The following ARHGAP42 variants were observed in gnomAD, a reference collection of about 807,000 sequenced individuals.
The protein encoded by ARHGAP42 is rho GTPase-activating protein 42.
A neutral mutation model predicts 125.0 loss-of-function variants in ARHGAP42; 63 were observed. The observed-to-expected ratio is 0.50, with a 90% CI of 0.41 to 0.62. The LOEUF (loss-of-function observed/expected upper bound fraction) is 0.62, where lower values mean the gene tolerates loss of function less well. Ranked by LOEUF, ARHGAP42 falls within the 20% of genes least tolerant of loss-of-function variation. ARHGAP42 has a pLI of 0.00. For missense variants in ARHGAP42, 766 were observed against 1,024.2 expected (o/e 0.75, Z 3.44); for synonymous variants, 339 against 351.0 (o/e 0.97, Z 0.38).
intron 23 of ARHGAP42, among the ~76,000 whole-genome samples, chr11:100,987,825 A>ATAAG (rs1391701511): frequency 6.6e-6 from 1 of 151,220 alleles, no homozygotes; most frequent in Non-Finnish European, 1.5e-5. Flanking sequence ...AAATAAATAA[A>ATAAG]TAAATAAATA....
intron 1 of ARHGAP42, among the ~76,000 whole-genome samples, chr11:100,717,488 T>G (rs1468528913): frequency 2.0e-5 from 3 of 151,728 alleles, no homozygotes; most frequent in African/African-American, 7.3e-5. Context: ...ATACAAAAAA[T>G]TAGCTGGACG....
intron 4 of ARHGAP42, among the ~76,000 whole-genome samples, chr11:100,913,210 C>G (rs1338876903): frequency 1.3e-5 from 2 of 152,042 alleles, no homozygotes; most frequent in African/African-American, 2.4e-5. Flanking sequence ...TGTGACTTGC[C>G]CTGTTTGTTT....
At chr11:100,803,464 A>G (rs1863913898) in intron 3 of ARHGAP42, among the ~76,000 whole-genome samples, 1 of 152,162 alleles carries the variant, frequency 6.6e-6, no homozygotes, top group African/African-American at 2.4e-5. Context: ...CCACAGTTTG[A>G]TCAGATGTGG....
chr11:100,687,552 A>C lies in ARHGAP42; in HGVS notation c.-127A>C. 1.6e-6 allele frequency: 1 copy of C among 639,328 alleles called. No homozygotes were observed. The highest frequency in any genetic ancestry group is 2.1e-6 in the Non-Finnish European group (1 of 478,368). 39.6% of individuals were successfully genotyped at this position (639,328 alleles called of 1,614,324 possible). ...CGGGGCCCGTTTCCTCCGCGCAATC[A>C]GTCCCCTCGCGTCCCGGCGCCTTCC... On this transcript the variant is annotated 5_prime_UTR_variant, in exon 1 of 24. Transcript: ENST00000298815.
rs563664499 is a variant in ARHGAP42, at chr11:100,989,505, G to A, written c.*704G>A. 8.4e-5 allele frequency: 15 copies of A among 179,618 alleles called. No individual in the cohort carries two copies. The highest frequency in any genetic ancestry group is 2.1e-3 in the Middle Eastern group (1 of 478). 11.1% of individuals were successfully genotyped at this position (179,618 alleles called of 1,614,324 possible). ...AGGCCTGATAGCAAATATTTTTGTGGTGGGTTGAATTTGGCTTATGGGTTA... is the reference window on the plus strand; with the variant it reads ...AGGCCTGATAGCAAATATTTTTGTGATGGGTTGAATTTGGCTTATGGGTTA... On this transcript the variant is annotated 3_prime_UTR_variant, in exon 24 of 24. Transcript: ENST00000298815.
intron 1 of ARHGAP42, among the ~76,000 whole-genome samples, chr11:100,751,773 C>CTTT (rs757372755): frequency 0.032 from 2,693 of 84,388 alleles, 363 homozygotes; most frequent in Non-Finnish European, 0.043. Context: ...AGACAGGCAC[C>CTTT]TTTTTTTTTT....
intron 3 of ARHGAP42, among the ~76,000 whole-genome samples, chr11:100,823,211 A>G (rs974243232): frequency 6.6e-6 from 1 of 152,184 alleles, no homozygotes; most frequent in Non-Finnish European, 1.5e-5. Context: ...ATCTTTTTGA[A>G]GAAGAAAGAA....
At chr11:100,888,196 C>G (rs1168177375) in intron 4 of ARHGAP42, among the ~76,000 whole-genome samples, 1 of 151,642 alleles carries the variant, frequency 6.6e-6, no homozygotes. Flanking sequence ...TCAATGACAG[C>G]TTAATGTCTT....
chr11:100,967,525 G>C (rs527285536), intron 17 of ARHGAP42, among the ~76,000 whole-genome samples: 1 of 152,018 alleles, frequency 6.6e-6, no homozygotes, highest in African/African-American at 2.4e-5. Context: ...TTTGCCAATC[G>C]ATGTTTTTAA....
rs1167636263 is a variant in ARHGAP42, at chr11:100,989,363, T to G, written c.*562T>G. 1 of 372,552 alleles carries G rather than the reference T, an allele frequency of 2.7e-6. No homozygotes were observed. Among genetic ancestry groups the G allele is most frequent in the East Asian group, 3.8e-5 (1 of 26,218 alleles). The allele number at this position is 372,552 out of a possible 1,614,324, so 23.1% of individuals were successfully genotyped here. On this transcript the variant is annotated 3_prime_UTR_variant, in exon 24 of 24. Coordinates refer to ENST00000298815, the MANE Select transcript of ARHGAP42 (RefSeq NM_152432.4). ...TTTGTTTTCCAAGTAGATGATAATATTCAAAAGCAATAATGTATATGATAT... is the reference window on the plus strand; with the variant it reads ...TTTGTTTTCCAAGTAGATGATAATAGTCAAAAGCAATAATGTATATGATAT...
Position 100,886,095 on chromosome 11 carries a change from C to G in ARHGAP42, c.384+26470C>G, listed in dbSNP as rs115637939. ...CATTTTTTATTTTAAGTCTTTAGGA[C>G]TTTATGATTGGATAACCTTGGGCAA... On this transcript the variant is annotated intron_variant, in intron 4 of 23. Transcript: ENST00000298815. 7.9e-3 allele frequency among the ~76,000 whole-genome samples: 1,196 copies of G among 152,256 alleles called. 16 individuals are homozygous for G. Among genetic ancestry groups the G allele is most frequent in the African/African-American group, 0.026 (1,078 of 41,538 alleles).
intron 2 of ARHGAP42, among the ~76,000 whole-genome samples, chr11:100,773,992 T>A (rs1276528335): frequency 6.6e-6 from 1 of 152,182 alleles, no homozygotes; most frequent in Admixed American, 6.5e-5. Context: ...TTAGGAAAAC[T>A]TAGAGCAAAA....
chr11:100,768,522 G>A (rs950603899), intron 1 of ARHGAP42, among the ~76,000 whole-genome samples: 8 of 152,288 alleles, frequency 5.3e-5, no homozygotes, highest in African/African-American at 1.9e-4. Flanking sequence ...TTTGGCCAAG[G>A]AGGGAGAATT....
At chr11:100,779,562 G>GTATATATATACATATATATATACT (rs367827582) in intron 2 of ARHGAP42, among the ~76,000 whole-genome samples, 1 of 89,692 alleles carries the variant, frequency 1.1e-5, no homozygotes, top group African/African-American at 4.1e-5. Context: ...ATATACATAC[G>GTATATATATACATATATATATACT]TATATATACG....
rs140466361 is a variant in ARHGAP42 at position 100,810,068 on chromosome 11, TAA to T, written c.312+14903_312+14904del. ...TAATCTATAAATTATTAGAGATAAA[TAA>T]GAGAGGTTAGCTAGGTTAATAGATG... On this transcript the variant is annotated intron_variant, in intron 3 of 23. Coordinates refer to ENST00000298815, the MANE Select transcript of ARHGAP42 (RefSeq NM_152432.4). Among the ~76,000 whole-genome samples the T allele has an allele frequency of 8.8e-3, 1,332 of 152,082 alleles. 19 individuals are homozygous for T. Among genetic ancestry groups the T allele is most frequent in the African/African-American group, 0.03 (1,263 of 41,490 alleles).
At chr11:100,757,134 G>A (rs1293917883) in intron 1 of ARHGAP42, among the ~76,000 whole-genome samples, 1 of 152,132 alleles carries the variant, frequency 6.6e-6, no homozygotes, top group Non-Finnish European at 1.5e-5. Context: ...TTTTTAAAGT[G>A]AGAAAATGGT....
At chr11:100,779,087 TATTAAACTTTTA>T (rs1392945640) in intron 2 of ARHGAP42, among the ~76,000 whole-genome samples, 4 of 152,166 alleles carry the variant, frequency 2.6e-5, no homozygotes, top group African/African-American at 4.8e-5. Flanking sequence ...CTGTAAAAGC[TATTAAACTTTTA>T]CAGAAATGAA....
chr11:100,828,119 T>C (rs1045067503), intron 3 of ARHGAP42, among the ~76,000 whole-genome samples: 6 of 152,158 alleles, frequency 3.9e-5, no homozygotes, highest in Non-Finnish European at 7.3e-5. Context: ...CTGTTGAGAA[T>C]GCCTTGCTTT....
chr11:100,779,957 C>T (rs1863261398), intron 2 of ARHGAP42, among the ~76,000 whole-genome samples: 1 of 151,528 alleles, frequency 6.6e-6, no homozygotes, highest in Non-Finnish European at 1.5e-5. Flanking sequence ...ACCTGGGAGT[C>T]AGAGGTTGCA....
Sources: gnomAD v4.1 joint callset for allele counts (sites outside exome capture counted in the v4.1 genomes callset) on GRCh38, gnomAD v4.1.1 for gene constraint, MANE v1.5 for transcripts, NCBI Gene and HGNC (gene_info 2026-07-23, HGNC 2026-07-21) for gene names.